FIP1L1: variants seen among roughly 807,000 people sequenced by gnomAD.
FIP1L1 encodes the protein pre-mRNA 3'-end-processing factor FIP1.
Under a neutral mutation model 84.6 loss-of-function variants are expected in FIP1L1, and 21 were observed. That is an observed-to-expected ratio of 0.25 (90% CI 0.18 to 0.36). The LOEUF (loss-of-function observed/expected upper bound fraction) is 0.36. Ranked by LOEUF, FIP1L1 falls within the 10% of genes least tolerant of loss-of-function variation. The probability of loss-of-function intolerance (pLI) is 1.00; values close to 1 mark genes in which losing one functional copy is unlikely to be tolerated. For missense variants in FIP1L1, 526 were observed against 751.1 expected (o/e 0.70, Z 3.50); for synonymous variants, 263 against 242.3 (o/e 1.09, Z -0.80).
intron 1 of FIP1L1, chr4:53,378,243 G>GT (rs1735766654): frequency 7.2e-6 from 2 of 279,262 alleles, no homozygotes; most frequent in East Asian, 5.6e-5. Context: ...CTTTACCCTT[G>GT]TTTTTTTCTG....
At chr4:53,405,764 G>T (rs1415433005) in intron 10 of FIP1L1, among the ~76,000 whole-genome samples, 1 of 150,292 alleles carries the variant, frequency 6.7e-6, no homozygotes, top group African/African-American at 2.5e-5. Flanking sequence ...TATTCTCTTT[G>T]TAGCAATTGT....
At chr4:53,419,557 C>T (rs1289415430) in intron 11 of FIP1L1, among the ~76,000 whole-genome samples, 3 of 152,144 alleles carry the variant, frequency 2.0e-5, no homozygotes, top group Non-Finnish European at 4.4e-5. Context: ...CCTCCCATCT[C>T]AGCCTCCCGA....
At chr4:53,412,662 G>A (rs1560529568) in intron 10 of FIP1L1, among the ~76,000 whole-genome samples, 4 of 152,046 alleles carry the variant, frequency 2.6e-5, no homozygotes, top group Non-Finnish European at 5.9e-5. Context: ...GGAGATACAG[G>A]ATGTCAGTTT....
At chr4:53,393,609 A>G (rs1188298410) in intron 9 of FIP1L1, among the ~76,000 whole-genome samples, 3 of 152,224 alleles carry the variant, frequency 2.0e-5, no homozygotes, top group Non-Finnish European at 4.4e-5. Context: ...AATTGGGTAC[A>G]AAAACAATTG....
At chr4:53,400,930 T>C (rs1389447146) in intron 10 of FIP1L1, among the ~76,000 whole-genome samples, 1 of 152,230 alleles carries the variant, frequency 6.6e-6, no homozygotes, top group Non-Finnish European at 1.5e-5. Flanking sequence ...TTAACTTTCA[T>C]TCATTGAGTT....
At chr4:53,434,354 G>A (rs9968555) in intron 13 of FIP1L1, among the ~76,000 whole-genome samples, 19,655 of 151,998 alleles carry the variant, frequency 0.13, 2,511 homozygotes, top group African/African-American at 0.32. Context: ...AGTAGAAAAA[G>A]CTGGTTTCTC....
At chr4:53,457,318 G>T (rs1719720654) in intron 16 of FIP1L1, among the ~76,000 whole-genome samples, 1 of 152,102 alleles carries the variant, frequency 6.6e-6, no homozygotes, top group South Asian at 2.1e-4. Flanking sequence ...TGACTGGCAT[G>T]GCATGTTACT....
chr4:53,429,172 T>C (rs1216894815), intron 13 of FIP1L1, among the ~76,000 whole-genome samples: 1 of 152,212 alleles, frequency 6.6e-6, no homozygotes, highest in Non-Finnish European at 1.5e-5. Context: ...TGCCTTTGAT[T>C]TCCTTCCACT....
chr4:53,451,988 A>C (rs1716326691), intron 15 of FIP1L1, among the ~76,000 whole-genome samples: 1 of 150,764 alleles, frequency 6.6e-6, no homozygotes, highest in Non-Finnish European at 1.5e-5. Flanking sequence ...GGTTCATGCC[A>C]TTCTCCTGCC....
intron 9 of FIP1L1, among the ~76,000 whole-genome samples, chr4:53,393,405 C>CAA (rs2149407674): frequency 6.6e-6 from 1 of 152,308 alleles, no homozygotes; most frequent in African/African-American, 2.4e-5. Context: ...ATTTACTTTT[C>CAA]ATTAAACAAT....
intron 11 of FIP1L1, among the ~76,000 whole-genome samples, chr4:53,424,062 A>AT (rs969022750): frequency 6.6e-6 from 1 of 152,160 alleles, no homozygotes; most frequent in Non-Finnish European, 1.5e-5. Context: ...GTCCAAACAA[A>AT]TTTGGTAGAA....
intron 13 of FIP1L1, among the ~76,000 whole-genome samples, chr4:53,442,018 A>T (rs1772155599): frequency 6.6e-6 from 1 of 151,970 alleles, no homozygotes; most frequent in Non-Finnish European, 1.5e-5. Context: ...TATTCCATTT[A>T]GGTATTGTGA....
chr4:53,388,344 C>CT (rs34128620), intron 5 of FIP1L1, among the ~76,000 whole-genome samples: 24 of 147,526 alleles, frequency 1.6e-4, no homozygotes, highest in Admixed American at 4.0e-4. Flanking sequence ...TTACTGATAT[C>CT]TTTTTTTTTT....
At chr4:53,415,069 A>C (rs1177628314) in intron 11 of FIP1L1, among the ~76,000 whole-genome samples, 1 of 152,176 alleles carries the variant, frequency 6.6e-6, no homozygotes, top group Non-Finnish European at 1.5e-5. Context: ...TTATCGAATA[A>C]AACCTAACAT....
At position 53,459,987 on chromosome 4, in the gene FIP1L1, C is replaced by T. The variant is rs550806037; in HGVS notation, c.*538C>T. ...TCTAAATTTGGGTTCCTGGTGAAAC[C>T]AAATGGGGTACACTTTCATATCCAA... is the stretch of plus-strand genomic sequence containing the variant. On this transcript the variant is annotated 3_prime_UTR_variant, in exon 18 of 18. Coordinates refer to ENST00000337488, the MANE Select transcript of FIP1L1 (RefSeq NM_030917.4). 256 of 213,064 alleles carry T rather than the reference C, an allele frequency of 1.2e-3. 2 individuals are homozygous for T. The highest frequency in any genetic ancestry group is 5.7e-3 in the African/African-American group (251 of 44,174). 13.2% of individuals were successfully genotyped at this position (213,064 alleles called of 1,614,324 possible).
intron 10 of FIP1L1, among the ~76,000 whole-genome samples, chr4:53,408,787 C>T (rs948128936): frequency 4.6e-5 from 7 of 152,166 alleles, no homozygotes; most frequent in South Asian, 2.1e-4. Flanking sequence ...TTGATCACCT[C>T]GGCTCCTGAG....
intron 7 of FIP1L1, 55 bp from the exon 8 acceptor site, chr4:53,390,951 ATGC>A: frequency 7.3e-7 from 1 of 1,371,062 alleles, no homozygotes; most frequent in Non-Finnish European, 9.9e-7. Flanking sequence ...TATATTTTTG[ATGC>A]TGCATAAAAA....
At chr4:53,447,208 C>A (rs188821744) in intron 15 of FIP1L1, among the ~76,000 whole-genome samples, 2 of 152,038 alleles carry the variant, frequency 1.3e-5, no homozygotes, top group East Asian at 3.9e-4. Flanking sequence ...AACTTACATA[C>A]CATCTGTTAT....
chr4:53,391,171 C>T (rs1289104286), intron 8 of FIP1L1, 32 bp downstream of exon 8: 1 of 1,580,120 alleles, frequency 6.3e-7, no homozygotes, highest in East Asian at 2.2e-5. Context: ...ATACCCTTGG[C>T]TTGTCTACCG....
Sources: gnomAD v4.1 joint callset for allele counts (sites outside exome capture counted in the v4.1 genomes callset) on GRCh38, gnomAD v4.1.1 for gene constraint, MANE v1.5 for transcripts, NCBI Gene and HGNC (gene_info 2026-07-23, HGNC 2026-07-21) for gene names.